The following NAV1 variants were observed in gnomAD, a reference collection of about 807,000 sequenced individuals.
The protein encoded by NAV1 is neuron navigator 1, also known as pore membrane and/or filament interacting like protein 3.
A neutral mutation model predicts 175.2 loss-of-function variants in NAV1; 18 were observed. The ratio of observed to expected loss-of-function variants is 0.10; its 90% CI spans 0.07 to 0.15. The LOEUF is 0.15. Ranked by LOEUF, NAV1 falls within the 10% of genes least tolerant of loss-of-function variation. The probability of loss-of-function intolerance (pLI) is 1.00; values close to 1 mark genes in which losing one functional copy is unlikely to be tolerated. For missense variants in NAV1, 1,731 were observed against 2,436.6 expected, an observed-to-expected ratio of 0.71 and a Z score of 6.10; for synonymous variants, 897 against 978.7, an observed-to-expected ratio of 0.92 and a Z score of 1.56.
At position 201,812,409 on chromosome 1, in the gene NAV1, C is replaced by T. The variant is rs1558194171; in HGVS notation, c.5025-56C>T. ...GAGGGACAGACTGGCAGGGGCTGAA[C>T]CCTGACAATGTCCCCATTGCCACTC... On this transcript the variant is annotated intron_variant, in intron 26 of 29. Transcript: ENST00000367296. This position sits in a 1 kb window ranked among gnomAD's most constrained non-coding sequence, Gnocchi z 4.6. 1 of 1,551,030 alleles carries T rather than the reference C, an allele frequency of 6.4e-7. No individual in the cohort carries two copies. The highest frequency in any genetic ancestry group is 1.4e-5 in the African/African-American group (1 of 73,762).
intron 3 of NAV1, among the ~76,000 whole-genome samples, chr1:201,742,714 C>A (rs1472746080): frequency 6.6e-6 from 1 of 152,132 alleles, no homozygotes; most frequent in African/African-American, 2.4e-5. Flanking sequence ...CTCCCTGGGG[C>A]AGAGGGCTTC....
chr1:201,714,964 T>C (rs547280612), intron 2 of NAV1, among the ~76,000 whole-genome samples: 37 of 152,278 alleles, frequency 2.4e-4, no homozygotes, highest in Admixed American at 2.6e-4. Flanking sequence ...ATCAAGCCTT[T>C]TGCATAATGC....
intron 2 of NAV1, among the ~76,000 whole-genome samples, chr1:201,611,656 G>A (rs554289729): frequency 6.6e-6 from 1 of 152,348 alleles, no homozygotes; most frequent in African/African-American, 2.4e-5. Context: ...AGCTCCATGT[G>A]TGAGCTGAAC....
At chr1:201,685,947 C>A (rs1670668365) in intron 1 of NAV1, among the ~76,000 whole-genome samples, 1 of 152,182 alleles carries the variant, frequency 6.6e-6, no homozygotes, top group Non-Finnish European at 1.5e-5. Flanking sequence ...AACTAAAATA[C>A]CCCTGAATGC....
chr1:201,542,952 A>G (rs1214999186), intron 1 of NAV1, among the ~76,000 whole-genome samples: 1 of 152,204 alleles, frequency 6.6e-6, no homozygotes, highest in Non-Finnish European at 1.5e-5. Flanking sequence ...GTAGAAACAC[A>G]GCTGATTTTT....
intron 1 of NAV1, among the ~76,000 whole-genome samples, chr1:201,670,964 C>T (rs1670022235): frequency 6.6e-6 from 1 of 152,034 alleles, no homozygotes; most frequent in Non-Finnish European, 1.5e-5. Flanking sequence ...CTGGTAGCAC[C>T]AATGGTGATG....
At chr1:201,627,062 C>T (rs1262158878) in intron 1 of NAV1, among the ~76,000 whole-genome samples, 2 of 152,214 alleles carry the variant, frequency 1.3e-5, no homozygotes, top group East Asian at 1.9e-4. Context: ...CAGCAACAAT[C>T]GTGACTGTAA....
intron 2 of NAV1, among the ~76,000 whole-genome samples, chr1:201,615,871 T>G (rs890405370): frequency 1.3e-5 from 2 of 152,206 alleles, no homozygotes; most frequent in African/African-American, 4.8e-5. Flanking sequence ...ATGTTGTTCC[T>G]GTTGATGCTT....
At chr1:201,542,529 C>T (rs1481053731) in intron 1 of NAV1, among the ~76,000 whole-genome samples, 2 of 152,156 alleles carry the variant, frequency 1.3e-5, no homozygotes, top group African/African-American at 4.8e-5. Flanking sequence ...TCATCTGTTC[C>T]CTTAACCTCC....
intron 3 of NAV1, among the ~76,000 whole-genome samples, chr1:201,765,182 G>A (rs772047745): frequency 2.0e-5 from 3 of 152,090 alleles, no homozygotes; most frequent in South Asian, 2.1e-4. Context: ...TATTCTTGGA[G>A]GTGCCATGTC....
chr1:201,659,879 A>G (rs954187839), intron 1 of NAV1, among the ~76,000 whole-genome samples: 2 of 152,140 alleles, frequency 1.3e-5, no homozygotes, highest in African/African-American at 4.8e-5. Flanking sequence ...TTCCTTTAAG[A>G]TGCCACTGGC....
At chr1:201,804,640 C>A in intron 17 of NAV1, 143 bp downstream of exon 21, 2 of 787,898 alleles carry the variant, frequency 2.5e-6, no homozygotes, top group South Asian at 1.9e-5. Context: ...AACAACCACC[C>A]AGAGTTCCTA....
chr1:201,595,219 T>C (rs1190689257), intron 2 of NAV1, among the ~76,000 whole-genome samples: 2 of 152,196 alleles, frequency 1.3e-5, no homozygotes, highest in Non-Finnish European at 2.9e-5. Flanking sequence ...AAAGCCTGCT[T>C]ATTTGGGTTC....
chr1:201,673,004 G>A (rs1204671848), intron 1 of NAV1: 3 of 152,090 alleles, frequency 2.0e-5, no homozygotes, highest in Non-Finnish European at 4.4e-5. Context: ...CAGTACCGAA[G>A]AAAAGCCTGA....
At chr1:201,736,155 A>G (rs1393858290) in intron 3 of NAV1, among the ~76,000 whole-genome samples, 7 of 152,164 alleles carry the variant, frequency 4.6e-5, no homozygotes, top group Admixed American at 4.6e-4. Context: ...AGGCTTTTCC[A>G]TCTGAGGAAT....
At chr1:201,618,851 G>A (rs1325959981), upstream of NAV1, among the ~76,000 whole-genome samples, 1 of 152,200 alleles carries the variant, frequency 6.6e-6, no homozygotes, top group Non-Finnish European at 1.5e-5. Context: ...GCATCTGCCA[G>A]GTGTCCTTAA....
At chr1:201,737,710 C>T (rs1426448279) in intron 3 of NAV1, among the ~76,000 whole-genome samples, 1 of 152,190 alleles carries the variant, frequency 6.6e-6, no homozygotes, top group Non-Finnish European at 1.5e-5. Context: ...CCTTTCAGGC[C>T]TCAGATCTCC....
chr1:201,628,520 G>C (rs753628449), intron 1 of NAV1, among the ~76,000 whole-genome samples: 2 of 152,074 alleles, frequency 1.3e-5, no homozygotes, highest in African/African-American at 2.4e-5. Flanking sequence ...GTGAAAACTG[G>C]AGAGAGAGAA....
At chr1:201,610,401 G>A (rs1021120713) in intron 2 of NAV1, among the ~76,000 whole-genome samples, 2 of 152,212 alleles carry the variant, frequency 1.3e-5, no homozygotes, top group African/African-American at 2.4e-5. Context: ...GAGGTCAGAG[G>A]TTGTGAGAAA....
Sources: gnomAD v4.1 joint callset for allele counts (sites outside exome capture counted in the v4.1 genomes callset) on GRCh38, gnomAD v4.1.1 for gene constraint, Gnocchi (gnomAD v3.1) non-coding constraint, MANE v1.5 for transcripts, NCBI Gene and HGNC (gene_info 2026-07-23, HGNC 2026-07-21) for gene names.